The following NDST4 variants were observed in gnomAD, a reference collection of about 807,000 sequenced individuals.
NDST4 encodes the protein N-deacetylase and N-sulfotransferase 4.
NDST4 carries 63 observed loss-of-function variants against 100.8 expected under a neutral mutation model. The ratio of observed to expected loss-of-function variants is 0.62; its 90% CI spans 0.51 to 0.77. The LOEUF (loss-of-function observed/expected upper bound fraction) is 0.77. Ranked by LOEUF, NDST4 falls within the 30% of genes least tolerant of loss-of-function variation. NDST4 has a pLI of 0.00. For missense variants in NDST4, 943 were observed against 1,018.4 expected (o/e 0.93, Z 1.01); for synonymous variants, 377 against 361.8 (o/e 1.04, Z -0.48).
intron 6 of NDST4, among the ~76,000 whole-genome samples, chr4:114,909,195 A>T (rs1725012665): frequency 6.6e-6 from 1 of 152,208 alleles, no homozygotes; most frequent in African/African-American, 2.4e-5. Context: ...TATAAAGTAG[A>T]GTAAATAATG....
At chr4:114,998,706 C>T (rs1415822409) in intron 2 of NDST4, among the ~76,000 whole-genome samples, 3 of 151,976 alleles carry the variant, frequency 2.0e-5, no homozygotes, top group Admixed American at 1.3e-4. Flanking sequence ...TTTTAATATG[C>T]CCCTAAACTT....
At chr4:115,108,054 G>T (rs512355) in intron 1 of NDST4, among the ~76,000 whole-genome samples, 120,891 of 151,978 alleles carry the variant, frequency 0.8, 48,965 homozygotes, top group African/African-American at 0.94. Context: ...TTACAGTACA[G>T]GGAATCTCAA....
chr4:115,074,753 C>G (rs1030781650), intron 2 of NDST4, among the ~76,000 whole-genome samples: 7 of 152,188 alleles, frequency 4.6e-5, no homozygotes, highest in African/African-American at 1.7e-4. Flanking sequence ...GAAAAAAATA[C>G]CCTGTTATTT....
intron 2 of NDST4, among the ~76,000 whole-genome samples, chr4:115,055,168 T>A (rs1166812692): frequency 1.3e-5 from 2 of 152,100 alleles, no homozygotes; most frequent in East Asian, 3.9e-4. Flanking sequence ...TCTGCCACTG[T>A]CTCCCATCAT....
chr4:114,899,388 A>G (rs937669620), intron 6 of NDST4, among the ~76,000 whole-genome samples: 6 of 152,164 alleles, frequency 3.9e-5, no homozygotes, highest in Non-Finnish European at 7.4e-5. Context: ...CAGGTTAGCC[A>G]GGATGGTCTG....
intron 6 of NDST4, among the ~76,000 whole-genome samples, chr4:114,926,728 G>T (rs2126221346): frequency 6.6e-6 from 1 of 152,158 alleles, no homozygotes; most frequent in South Asian, 2.1e-4. Context: ...CTTTTTGACT[G>T]CAGAGCAAAG....
intron 2 of NDST4, among the ~76,000 whole-genome samples, chr4:115,041,189 A>G (rs1489440089): frequency 1.3e-5 from 2 of 152,100 alleles, no homozygotes; most frequent in Non-Finnish European, 2.9e-5. Context: ...TCCTTATGGA[A>G]GAAGACAAGA....
At chr4:115,057,702 GCA>G (rs59805768) in intron 2 of NDST4, among the ~76,000 whole-genome samples, 24,448 of 147,100 alleles carry the variant, frequency 0.17, 2,088 homozygotes, top group Non-Finnish European at 0.21. Context: ...GCGTGCGCAC[GCA>G]CACACACACA....
In NDST4 at chr4:114,881,376, G is replaced by A. The variant is rs147785446; in HGVS notation, c.1537-10426C>T. Among the ~76,000 whole-genome samples the A allele has an allele frequency of 7.9e-3, 1,209 of 152,136 alleles. 9 individuals are homozygous for A. Among genetic ancestry groups the A allele is most frequent in the South Asian group, 0.011 (51 of 4,822 alleles). ...CAGGGATGGAAAAAAAGGAAGGATC[G>A]AAGGTATACTCAGGTTTCTGGCTTA... is the stretch of plus-strand genomic sequence containing the variant. On this transcript the variant is annotated intron_variant, in intron 6 of 13. Transcript: ENST00000264363.
intron 4 of NDST4, among the ~76,000 whole-genome samples, chr4:114,960,377 G>A (rs905312285): frequency 7.9e-5 from 12 of 152,034 alleles, no homozygotes; most frequent in African/African-American, 1.9e-4. Context: ...GGAGGCCAAC[G>A]CGGGCAGATC....
chr4:115,024,530 T>A (rs1249414363), intron 2 of NDST4, among the ~76,000 whole-genome samples: 2 of 152,174 alleles, frequency 1.3e-5, no homozygotes, highest in Non-Finnish European at 2.9e-5. Flanking sequence ...GGAATGCCTC[T>A]CCTTTGCCTG....
intron 2 of NDST4, among the ~76,000 whole-genome samples, chr4:114,986,793 C>CATACATATATATATATATATATATATAT (rs1553959380): frequency 2.2e-5 from 2 of 91,148 alleles, no homozygotes; most frequent in African/African-American, 9.1e-5. Flanking sequence ...TCCAATTATA[C>CATACATATATATATATATATATATATAT]ATATATATAT....
chr4:115,080,189 T>A (rs576606899), intron 1 of NDST4, among the ~76,000 whole-genome samples: 1 of 152,296 alleles, frequency 6.6e-6, no homozygotes. Context: ...CAGGCTGTAG[T>A]GCAGTGGCCT....
chr4:115,024,607 T>C (rs1355803195), intron 2 of NDST4, among the ~76,000 whole-genome samples: 1 of 152,162 alleles, frequency 6.6e-6, no homozygotes, highest in Non-Finnish European at 1.5e-5. Context: ...TGGAGGAAAT[T>C]TGCCTCAGAA....
intron 2 of NDST4, among the ~76,000 whole-genome samples, chr4:115,024,938 G>C (rs4834448): frequency 0.31 from 47,286 of 152,058 alleles, 7,524 homozygotes; most frequent in South Asian, 0.53. Flanking sequence ...GAAATCTTGG[G>C]AGTGATAAAA....
At chr4:114,974,704 T>C (rs1279494487) in intron 3 of NDST4, among the ~76,000 whole-genome samples, 1 of 152,096 alleles carries the variant, frequency 6.6e-6, no homozygotes, top group African/African-American at 2.4e-5. Context: ...CTCTTTCAGT[T>C]TGGCACCTGT....
chr4:115,023,023 C>T (rs772877010), intron 2 of NDST4, among the ~76,000 whole-genome samples: 1 of 152,060 alleles, frequency 6.6e-6, no homozygotes, highest in Non-Finnish European at 1.5e-5. Context: ...CACTCATAAG[C>T]GCGAGCTAAG....
intron 2 of NDST4, among the ~76,000 whole-genome samples, chr4:115,025,292 T>C (rs1243931561): frequency 6.6e-6 from 1 of 152,156 alleles, no homozygotes; most frequent in African/African-American, 2.4e-5. Context: ...CATGAAATTA[T>C]TTAGTAAAGA....
At chr4:115,073,806 C>T (rs1476939139) in intron 2 of NDST4, among the ~76,000 whole-genome samples, 1 of 151,660 alleles carries the variant, frequency 6.6e-6, no homozygotes, top group South Asian at 2.1e-4. Flanking sequence ...AGTGTTTTCA[C>T]CAAAAAATGA....
Sources: allele counts gnomAD v4.1 joint callset (sites outside exome capture counted in the v4.1 genomes callset), GRCh38; gene constraint gnomAD v4.1.1; transcripts MANE v1.5; gene names NCBI Gene and HGNC (gene_info 2026-07-23, HGNC 2026-07-21).